Variants in PCDHGB4 observed in about 807,000 individuals in gnomAD.
PCDHGB4 encodes the protein protocadherin gamma-B4.
A neutral mutation model predicts 60.5 loss-of-function variants in PCDHGB4; 38 were observed. The ratio of observed to expected loss-of-function variants is 0.63; its 90% confidence interval spans 0.48 to 0.82. The LOEUF (loss-of-function observed/expected upper bound fraction) is 0.82. Ranked by LOEUF, PCDHGB4 falls within the 40% of genes least tolerant of loss-of-function variation. The pLI is 0.00. For missense variants in PCDHGB4, 1,109 were observed against 1,209.6 expected, an observed-to-expected ratio of 0.92 and a Z score of 1.23; for synonymous variants, 456 against 509.7, an observed-to-expected ratio of 0.89 and a Z score of 1.42.
rs61612330 is a variant in PCDHGB4, at chr5:141,454,796, A to ATTTTTTTTTTTTTTT, written c.2398-39996_2398-39982dup. 1.0e-3 allele frequency among the ~76,000 whole-genome samples: 80 copies of ATTTTTTTTTTTTTTT among 77,456 alleles called. 10 individuals are homozygous for ATTTTTTTTTTTTTTT. The highest frequency in any genetic ancestry group is 2.0e-3 in the East Asian group (5 of 2,512). The allele number at this position is 77,456 out of a possible 152,430, so 50.8% of individuals were successfully genotyped here. A position where few individuals can be genotyped will look rare whatever the true frequency, so the allele number is the denominator to read the frequency against. On this transcript the variant is annotated intron_variant, in intron 1 of 3. Transcript: ENST00000519479. ...AAGGAAATAATCCTCCATGGTTCTA[A>ATTTTTTTTTTTTTTT]TTTTTTTTTTTTTTTTTTTTTTTTT...
chr5:141,470,597 T>A (rs1309687738), intron 1 of PCDHGB4, among the ~76,000 whole-genome samples: 5 of 152,216 alleles, frequency 3.3e-5, no homozygotes, highest in Non-Finnish European at 7.3e-5. Flanking sequence ...AGGCGACCTG[T>A]GCGGGGACAC....
intron 1 of PCDHGB4, chr5:141,424,079 C>A: frequency 3.1e-6 from 3 of 973,190 alleles, no homozygotes; most frequent in African/African-American, 1.8e-5. Context: ...TAGTTATATT[C>A]CACCATTATT....
Position 141,477,068 on chromosome 5 carries a change from C to G in PCDHGB4, c.2398-17739C>G. The G allele has an allele frequency of 6.2e-7, 1 of 1,614,268 alleles. No individual in the cohort carries two copies. Among genetic ancestry groups the G allele is most frequent in the Non-Finnish European group, 8.5e-7 (1 of 1,180,046 alleles). On this transcript the variant is annotated intron_variant, in intron 1 of 3. Coordinates refer to ENST00000519479, the MANE Select transcript of PCDHGB4 (RefSeq NM_003736.4). This position sits in a 1 kb window ranked among gnomAD's most constrained non-coding sequence, Gnocchi z 4.9. ...GCTGGACTTCGAGGACACCAAACTC[C>G]ATGAGATTTACATCCAGGCCAAAGA...
intron 1 of PCDHGB4, chr5:141,409,705 G>A (rs747252229): frequency 6.2e-6 from 10 of 1,613,134 alleles, no homozygotes; most frequent in Non-Finnish European, 7.6e-6. Flanking sequence ...CCCTGGCGGT[G>A]TCGTCATACG....
At chr5:141,398,425 C>G (rs2093656331) in intron 1 of PCDHGB4, 2 of 1,519,432 alleles carry the variant, frequency 1.3e-6, no homozygotes, top group East Asian at 2.3e-5. Flanking sequence ...CGGGAAGAAG[C>G]CAGCTTGTGC....
intron 1 of PCDHGB4, chr5:141,404,943 T>C: frequency 1.2e-6 from 2 of 1,613,914 alleles, no homozygotes; most frequent in Non-Finnish European, 8.5e-7. Context: ...ACAGTAGCCA[T>C]AGCTGACAGC....
At chr5:141,478,497 C>T in intron 1 of PCDHGB4, 1 of 1,612,820 alleles carries the variant, frequency 6.2e-7, no homozygotes, top group Non-Finnish European at 8.5e-7. Context: ...AGCTGTGATC[C>T]GGTGTTCTAT....
At chr5:141,467,736 G>T (rs1435480730) in intron 1 of PCDHGB4, among the ~76,000 whole-genome samples, 1 of 151,902 alleles carries the variant, frequency 6.6e-6, no homozygotes, top group Admixed American at 6.6e-5. Context: ...ATCCCAGCTC[G>T]CTGCAACCTC....
chr5:141,400,007 C>G (rs907315450), intron 1 of PCDHGB4: 2 of 1,612,506 alleles, frequency 1.2e-6, no homozygotes, highest in African/African-American at 1.3e-5. Flanking sequence ...ACAGCGCGTG[C>G]CTTGGGCGAC....
Position 141,477,483 on chromosome 5 carries a change from A to G in PCDHGB4, c.2398-17324A>G. The G allele has an allele frequency of 6.2e-7, 1 of 1,614,028 alleles. No individual in the cohort carries two copies. On this transcript the variant is annotated intron_variant, in intron 1 of 3. Coordinates refer to ENST00000519479, the MANE Select transcript of PCDHGB4 (RefSeq NM_003736.4). The surrounding 1 kb of genome is among the most constrained non-coding windows in gnomAD (Gnocchi z 4.9). ...TCCGACATCAATGACAACCCTCCAC[A>G]ATCTTCTCAATCTTCCTACGACGTT...
chr5:141,439,211 A>G (rs1438403213), intron 1 of PCDHGB4, among the ~76,000 whole-genome samples: 1 of 151,666 alleles, frequency 6.6e-6, no homozygotes, highest in Non-Finnish European at 1.5e-5. Flanking sequence ...AAAAATCCAT[A>G]TGTGAAAATT....
At chr5:141,495,571 C>T (rs1031548699) in intron 2 of PCDHGB4, among the ~76,000 whole-genome samples, 1 of 152,198 alleles carries the variant, frequency 6.6e-6, no homozygotes, top group African/African-American at 2.4e-5. Flanking sequence ...TCTGCCTCTC[C>T]CTCTCTTCTC....
rs1390441638 is a variant in PCDHGB4, at chr5:141,432,562, C to T, written c.2397+42281C>T. 1.9e-6 allele frequency: 3 copies of T among 1,613,964 alleles called. No individual in the cohort carries two copies. Among genetic ancestry groups the T allele is most frequent in the Non-Finnish European group, 2.5e-6 (3 of 1,180,004 alleles). On this transcript the variant is annotated intron_variant, in intron 1 of 3. Coordinates refer to ENST00000519479, the MANE Select transcript of PCDHGB4 (RefSeq NM_003736.4). This position sits in a 1 kb window ranked among gnomAD's most constrained non-coding sequence, Gnocchi z 6.0. ...CGGTGGACAGAGACTCCGGCCAGAA[C>T]GCCTGGCTGTCCTACCGTCTGCTCA...
At chr5:141,499,686 T>C (rs1400567357) in intron 2 of PCDHGB4, among the ~76,000 whole-genome samples, 2 of 149,346 alleles carry the variant, frequency 1.3e-5, no homozygotes, top group East Asian at 2.0e-4. Context: ...CTTTAACAGA[T>C]GACTTTTTTT....
At chr5:141,422,501 CCA>C in intron 1 of PCDHGB4, 1 of 1,613,928 alleles carries the variant, frequency 6.2e-7, no homozygotes, top group African/African-American at 1.3e-5. Flanking sequence ...ACGTTGACAG[CCA>C]CAGACCAGGG....
At chr5:141,418,641 T>C in intron 1 of PCDHGB4, 3 of 1,614,028 alleles carry the variant, frequency 1.9e-6, no homozygotes, top group Non-Finnish European at 2.5e-6. Flanking sequence ...GGCACCTCCA[T>C]CCTGAGAGTG....
rs749095017 is a variant in PCDHGB4, at chr5:141,489,455, G to A, written c.2398-5352G>A. 1 of 1,614,042 alleles carries A rather than the reference G, an allele frequency of 6.2e-7. No homozygotes were observed. ...CTGCAATTGGGCTCTGAGGAGAATGGGCGCTATTTTTCCCTGAGCTTGATG... is the reference window on the plus strand; with the variant it reads ...CTGCAATTGGGCTCTGAGGAGAATGAGCGCTATTTTTCCCTGAGCTTGATG... On this transcript the variant is annotated intron_variant, in intron 1 of 3. Coordinates refer to ENST00000519479, the MANE Select transcript of PCDHGB4 (RefSeq NM_003736.4). This position sits in a 1 kb window ranked among gnomAD's most constrained non-coding sequence, Gnocchi z 4.5.
Position 141,511,231 on chromosome 5 carries a change from C to T in PCDHGB4, c.*58C>T. On this transcript the variant is annotated 3_prime_UTR_variant, in exon 4 of 4. Coordinates refer to ENST00000519479, the MANE Select transcript of PCDHGB4 (RefSeq NM_003736.4). ...CTCTCCCCAACCAGCCCAGCTTCTC[C>T]TTACCTGCACCCAGGCCTCAGAGTT... 2 of 1,595,900 alleles carry T rather than the reference C, an allele frequency of 1.3e-6. No individual in the cohort carries two copies. The highest frequency in any genetic ancestry group is 2.2e-5 in the South Asian group (2 of 88,992).
rs1245526846 is a variant in PCDHGB4, at chr5:141,512,505, C to T, written c.*1332C>T. ...GCCACTGCCCAGGTCCCCAGTGCGCCCCCTAGTGGCCATAGCCTGGTTAAA... is the reference window on the plus strand; with the variant it reads ...GCCACTGCCCAGGTCCCCAGTGCGCTCCCTAGTGGCCATAGCCTGGTTAAA... On this transcript the variant is annotated 3_prime_UTR_variant, in exon 4 of 4. Transcript: ENST00000519479. The T allele has an allele frequency of 1.3e-5, 2 of 152,888 alleles. No individual in the cohort carries two copies. The highest frequency in any genetic ancestry group is 4.8e-5 in the African/African-American group (2 of 41,466). 9.5% of individuals were successfully genotyped at this position (152,888 alleles called of 1,614,324 possible). A position where few individuals can be genotyped will look rare whatever the true frequency, so the allele number is the denominator to read the frequency against.
Sources: gnomAD v4.1 joint callset for allele counts (sites outside exome capture counted in the v4.1 genomes callset) on GRCh38, gnomAD v4.1.1 for gene constraint, Gnocchi (gnomAD v3.1) non-coding constraint, MANE v1.5 for transcripts, NCBI Gene and HGNC (gene_info 2026-07-23, HGNC 2026-07-21) for gene names.